The following PPL variants were observed in gnomAD, a reference collection of about 807,000 sequenced individuals.
The protein encoded by PPL is periplakin.
PPL carries 198 observed loss-of-function variants against 194.4 expected under a neutral mutation model. That is an observed-to-expected ratio of 1.02 (90% CI 0.91 to 1.15). The LOEUF is 1.15. Among genes scored for constraint, PPL ranks in the 50% most tolerant of loss-of-function variants. The pLI is 0.00. For synonymous variants in PPL, 1,220 were observed against 972.4 expected, an observed-to-expected ratio of 1.25 and a Z score of -4.74; for missense variants, 2,885 against 2,294.8, an observed-to-expected ratio of 1.26 and a Z score of -5.25.
At chr16:4,908,678 C>T (rs1343398000) in intron 2 of PPL, among the ~76,000 whole-genome samples, 2 of 151,938 alleles carry the variant, frequency 1.3e-5, no homozygotes, top group African/African-American at 4.8e-5. Flanking sequence ...GCTGGGATTA[C>T]AGGCACACAC....
At position 4,885,589 on chromosome 16, in the gene PPL, C is replaced by T; in HGVS notation, c.3066G>A (p.Arg1022=). The T allele has an allele frequency of 6.2e-7, 1 of 1,612,154 alleles. No individual in the cohort carries two copies. The highest frequency in any genetic ancestry group is 8.5e-7 in the Non-Finnish European group (1 of 1,179,954). ...CCTCTGCCTCCCGGGCGCCCTTCTG[C>T]CGCCTCAGTGCCTCCAGCTCCTCCC... is the stretch of plus-strand genomic sequence containing the variant. ...QLREELEALR[R]QKGAREAEVL... Residue 1022 remains arginine, a synonymous_variant, in exon 22 of 22, where the codon CGG becomes CGA. Coordinates refer to ENST00000345988, the MANE Select transcript of PPL (RefSeq NM_002705.5). The surrounding 1 kb of genome is among the most constrained non-coding windows in gnomAD (Gnocchi z 6.3).
At chr16:4,908,656 G>A (rs1404536658) in intron 2 of PPL, among the ~76,000 whole-genome samples, 1 of 152,082 alleles carries the variant, frequency 6.6e-6, no homozygotes, top group African/African-American at 2.4e-5. Context: ...TCCCACCTCA[G>A]CCTCCCAAGG....
At chr16:4,894,399 A>C in intron 12 of PPL, 68 bp downstream of exon 12, 1 of 1,569,280 alleles carries the variant, frequency 6.4e-7, no homozygotes, top group Non-Finnish European at 8.7e-7. Flanking sequence ...CCCCGGGGCT[A>C]TGAATGGGGC....
chr16:4,894,628 G>C lies in PPL; in HGVS notation c.1243-10C>G. The C allele has an allele frequency of 6.2e-7, 1 of 1,611,366 alleles. No homozygotes were observed. Among genetic ancestry groups the C allele is most frequent in the Non-Finnish European group, 8.5e-7 (1 of 1,179,614 alleles). ...CCCGCGAGATCAGGCCCTGGCGGGGGCAGGCTGGACAGTCAGGATCCCGGC... is the reference window on the plus strand; with the variant it reads ...CCCGCGAGATCAGGCCCTGGCGGGGCCAGGCTGGACAGTCAGGATCCCGGC... On this transcript the variant is annotated splice_polypyrimidine_tract_variant and intron_variant, in intron 11 of 21. Transcript: ENST00000345988.
Position 4,891,941 on chromosome 16 carries a change from A to C in PPL, c.1838T>G (p.Val613Gly). Reference sequence around the variant, plus strand: ...CAGGCTCTTCTCCAGGCGGTTGGCCACATCAACCCTGAGAGCACCAATCAG... The same window carrying C: ...CAGGCTCTTCTCCAGGCGGTTGGCCCCATCAACCCTGAGAGCACCAATCAG... ...LLDLAQEKVD[V>G]ANRLEKSLQQ... Residue 613 changes from valine (V) to glycine (G), a missense_variant, in exon 16 of 22, where the codon GTG becomes GGG. Coordinates refer to ENST00000345988, the MANE Select transcript of PPL (RefSeq NM_002705.5). 4 of 1,612,872 alleles carry C rather than the reference A, an allele frequency of 2.5e-6. No homozygotes were observed. The highest frequency in any genetic ancestry group is 3.4e-6 in the Non-Finnish European group (4 of 1,179,734).
chr16:4,901,680 C>T (rs1469716816), intron 4 of PPL, among the ~76,000 whole-genome samples: 1 of 149,790 alleles, frequency 6.7e-6, no homozygotes, highest in Non-Finnish European at 1.5e-5. Flanking sequence ...CAGAGTGAGA[C>T]CTTGTGTCAA....
chr16:4,922,490 T>C (rs2089069377), intron 1 of PPL, among the ~76,000 whole-genome samples: 1 of 152,094 alleles, frequency 6.6e-6, no homozygotes. Context: ...AGTGAAACCC[T>C]GTCTCTACTA....
At chr16:4,899,818 C>T (rs1293745858) in intron 6 of PPL, among the ~76,000 whole-genome samples, 1 of 152,166 alleles carries the variant, frequency 6.6e-6, no homozygotes, top group Non-Finnish European at 1.5e-5. Flanking sequence ...ATAGCTTCTA[C>T]TTTTATCTGT....
Position 4,890,751 on chromosome 16 carries a change from G to T in PPL, c.2139C>A (p.Asn713Lys). 2 of 1,608,502 alleles carry T rather than the reference G, an allele frequency of 1.2e-6. No homozygotes were observed. The highest frequency in any genetic ancestry group is 1.1e-5 in the South Asian group (1 of 90,302). The change falls in exon 17 of 22, where the codon AAC (asparagine) becomes AAA (lysine). Residue 713 changes from asparagine to lysine, a missense_variant. Transcript: ENST00000345988. ...EVHKLGQRFNNLRQQVERRAQ... is the reference protein window; with the variant it reads ...EVHKLGQRFNKLRQQVERRAQ... Reference sequence around the variant, plus strand: ...ACCTGCGTTCCACCTGCTGGCGCAGGTTGTTGAAACGCTGGCCCAGCTTGT... The same window carrying T: ...ACCTGCGTTCCACCTGCTGGCGCAGTTTGTTGAAACGCTGGCCCAGCTTGT...
At chr16:4,893,431 G>A (rs2088358248) in intron 13 of PPL, 61 bp from the exon 14 acceptor site, 11 of 1,591,788 alleles carry the variant, frequency 6.9e-6, no homozygotes, top group Non-Finnish European at 9.4e-6. Context: ...GAGGCCCAGG[G>A]ATGGACCTAG....
At chr16:4,891,620 G>GT (rs1312254708) in intron 16 of PPL, 191 bp downstream of exon 16, 12 of 638,796 alleles carry the variant, frequency 1.9e-5, no homozygotes, top group South Asian at 5.2e-5. Flanking sequence ...CCGAAATCCC[G>GT]TAAGTCACAC....
At chr16:4,934,427 G>A (rs1223496795) in intron 1 of PPL, among the ~76,000 whole-genome samples, 1 of 152,032 alleles carries the variant, frequency 6.6e-6, no homozygotes, top group Non-Finnish European at 1.5e-5. Flanking sequence ...ACCCTCATCC[G>A]GGCACCTCCT....
chr16:4,903,380 T>A (rs552196816), intron 3 of PPL, among the ~76,000 whole-genome samples: 33 of 152,178 alleles, frequency 2.2e-4, no homozygotes, highest in Admixed American at 2.0e-3. Flanking sequence ...AGCCTCCATT[T>A]CCCCAACTGC....
At position 4,897,737 on chromosome 16, in the gene PPL, C is replaced by T; in HGVS notation, c.910G>A (p.Glu304Lys). 2 of 1,613,910 alleles carry T rather than the reference C, an allele frequency of 1.2e-6. No individual in the cohort carries two copies. The highest frequency in any genetic ancestry group is 2.2e-5 in the East Asian group (1 of 44,862). The change falls in exon 9 of 22, where the codon GAG becomes AAG. Residue 304 changes from glutamate to lysine, a missense_variant. Glu to Lys is a moderately conservative substitution (Grantham distance 56). Coordinates refer to ENST00000345988, the MANE Select transcript of PPL (RefSeq NM_002705.5). ...TCGCAGATGAGCAGGTTCAGGTACT[C>T]CTTCCAGTCTGCGTGCACAGCCTCC... The part of the protein sequence containing the change: ...HMEAVHADWK[E>K]YLNLLICEES...
chr16:4,902,352 A>C lies in PPL; in HGVS notation c.438+54T>G. 2 of 1,605,944 alleles carry C rather than the reference A, an allele frequency of 1.2e-6. No homozygotes were observed. The highest frequency in any genetic ancestry group is 8.5e-7 in the Non-Finnish European group (1 of 1,175,752). On this transcript the variant is annotated intron_variant, in intron 4 of 21. Transcript: ENST00000345988. The surrounding 1 kb of genome is among the most constrained non-coding windows in gnomAD (Gnocchi z 4.0). ...ATGGGTAGGCTCTCCCTGCACACGC[A>C]CAGCCCCCTCCCCAGCTGAAACCCT...
At chr16:4,936,700 C>T (rs1056227104) in intron 1 of PPL, among the ~76,000 whole-genome samples, 3 of 152,180 alleles carry the variant, frequency 2.0e-5, no homozygotes, top group African/African-American at 7.2e-5. Flanking sequence ...CCCAGCTCAG[C>T]TGCCCGTGCC....
chr16:4,913,884 C>A (rs2088866760), intron 1 of PPL, among the ~76,000 whole-genome samples: 1 of 152,300 alleles, frequency 6.6e-6, no homozygotes, highest in South Asian at 2.1e-4. Context: ...TGTGCGGGCC[C>A]TGCACCTCAC....
Position 4,933,929 on chromosome 16 carries a change from G to A in PPL, c.62+3055C>T, listed in dbSNP as rs1479323721. Among the ~76,000 whole-genome samples, 3 of 152,270 alleles carry A rather than the reference G, an allele frequency of 2.0e-5. No homozygotes were observed. The East Asian group carries it at 5.8e-4, about 29-fold the overall frequency. ...AATCGTCACAGATGCTATTACCTGCGGCCGCTTATCATTCACAACCTTTCC... is the reference window on the plus strand; with the variant it reads ...AATCGTCACAGATGCTATTACCTGCAGCCGCTTATCATTCACAACCTTTCC... On this transcript the variant is annotated intron_variant, in intron 1 of 21. Coordinates refer to ENST00000345988, the MANE Select transcript of PPL (RefSeq NM_002705.5).
chr16:4,895,490 G>T (rs1470305454), intron 10 of PPL, 83 bp from the exon 11 acceptor site: 1 of 1,602,254 alleles, frequency 6.2e-7, no homozygotes, highest in Admixed American at 1.7e-5. Flanking sequence ...GCTGGATTCA[G>T]CAGGTGGGGT....
Sources: allele counts gnomAD v4.1 joint callset (sites outside exome capture counted in the v4.1 genomes callset), GRCh38; gene constraint gnomAD v4.1.1; non-coding constraint Gnocchi (gnomAD v3.1); transcripts MANE v1.5; gene names NCBI Gene and HGNC (gene_info 2026-07-23, HGNC 2026-07-21).